Variants in SLC28A3 observed in about 807,000 individuals in gnomAD.
The protein encoded by SLC28A3 is solute carrier family 28 member 3.
A neutral mutation model predicts 84.2 loss-of-function variants in SLC28A3; 68 were observed. The ratio of observed to expected loss-of-function variants is 0.81; its 90% CI spans 0.66 to 0.99. The LOEUF (loss-of-function observed/expected upper bound fraction) is 0.99. SLC28A3 is among the 50% of genes least tolerant of loss of function. The pLI, the probability that SLC28A3 is intolerant of heterozygous loss-of-function variation, is 0.00. For synonymous variants in SLC28A3, 267 were observed against 303.6 expected (o/e 0.88, Z 1.25); for missense variants, 712 against 841.5 (o/e 0.85, Z 1.90).
chr9:84,288,961 A>C (rs954354942), intron 11 of SLC28A3, among the ~76,000 whole-genome samples: 5 of 152,110 alleles, frequency 3.3e-5, no homozygotes, highest in African/African-American at 1.2e-4. Context: ...TGCTCTCCTG[A>C]GGTCCTTGGT....
At chr9:84,366,988 C>G in the SLC28A3 span, among the ~76,000 whole-genome samples, 1 of 152,192 alleles carries the variant, frequency 6.6e-6, no homozygotes, top group Non-Finnish European at 1.5e-5. Flanking sequence ...GCAAGCTCCC[C>G]CAGGCCTTTG....
the SLC28A3 span, among the ~76,000 whole-genome samples, chr9:84,346,355 G>A: frequency 2.6e-5 from 4 of 152,192 alleles, no homozygotes; most frequent in African/African-American, 9.6e-5. Context: ...TATGCATGCA[G>A]TTCTATAGTG....
chr9:84,322,642 C>T (rs891674366), intron 1 of SLC28A3, among the ~76,000 whole-genome samples: 2 of 151,788 alleles, frequency 1.3e-5, no homozygotes, highest in African/African-American at 4.8e-5. Flanking sequence ...GTCAGGAGTC[C>T]CAGACCAGCC....
rs140633950 is a variant in SLC28A3, at chr9:84,336,774, C to G, written c.60+3800G>C. Among the ~76,000 whole-genome samples the G allele has an allele frequency of 3.7e-3, 570 of 152,344 alleles. 3 individuals are homozygous for G. The highest frequency in any genetic ancestry group is 0.013 in the African/African-American group (543 of 41,578). On this transcript the variant is annotated intron_variant, in intron 1 of 17. Coordinates refer to ENST00000376238, the MANE Select transcript of SLC28A3 (RefSeq NM_001199633.2). ...CACCTGACCTGATGCCAGCCTGCCC[C>G]CTTTCCCTATACCGTGTTCCCTTCC... is the stretch of plus-strand genomic sequence containing the variant.
intron 16 of SLC28A3, 27 bp downstream of exon 16, chr9:84,279,948 T>C (rs1364507387): frequency 4.4e-6 from 7 of 1,608,984 alleles, no homozygotes; most frequent in Admixed American, 1.7e-5. Context: ...CTGTGGGCAC[T>C]GGGACACAAA....
chr9:84,321,392 G>T (rs1330031888), intron 1 of SLC28A3, among the ~76,000 whole-genome samples: 1 of 151,976 alleles, frequency 6.6e-6, no homozygotes, highest in Admixed American at 6.6e-5. Context: ...CCAACAGTGG[G>T]AAGTCTTTTT....
At chr9:84,322,036 C>T (rs1210780747) in intron 1 of SLC28A3, among the ~76,000 whole-genome samples, 4 of 151,968 alleles carry the variant, frequency 2.6e-5, no homozygotes, top group Admixed American at 6.6e-5. Flanking sequence ...GAAGACAGAG[C>T]GAGACTCCGT....
chr9:84,291,373 G>A lies in SLC28A3; in HGVS notation c.1024-1094C>T, dbSNP rs901509780. Among the ~76,000 whole-genome samples the A allele has an allele frequency of 3.6e-4, 55 of 152,292 alleles. 1 individual carries two copies. Among genetic ancestry groups the A allele is most frequent in the Admixed American group, 3.3e-3 (51 of 15,302 alleles). On this transcript the variant is annotated intron_variant, in intron 10 of 17. Coordinates refer to ENST00000376238, the MANE Select transcript of SLC28A3 (RefSeq NM_001199633.2). The stretch of plus-strand genomic sequence containing the variant: ...TTTTTTGAGACAGAGTTTTGCTCTT[G>A]TTGCCCAGGCTGGAGTGCAATGGCA...
intron 17 of SLC28A3, 98 bp downstream of exon 17, chr9:84,279,167 C>G (rs779490140): frequency 9.2e-7 from 1 of 1,083,758 alleles, no homozygotes; most frequent in Non-Finnish European, 1.2e-6. Flanking sequence ...AGCAAGACTC[C>G]GTCTCAAAAA....
intron 14 of SLC28A3, among the ~76,000 whole-genome samples, chr9:84,282,282 AC>A (rs1824786292): frequency 6.7e-6 from 1 of 149,666 alleles, no homozygotes; most frequent in Non-Finnish European, 1.5e-5. Context: ...CATGAGGAAA[AC>A]CTTTTTTTTT....
intron 1 of SLC28A3, among the ~76,000 whole-genome samples, chr9:84,330,140 G>A (rs913090557): frequency 6.6e-6 from 1 of 151,494 alleles, no homozygotes; most frequent in African/African-American, 2.4e-5. Context: ...GAAACCAAAA[G>A]TTGGTTCTTA....
At position 84,320,040 on chromosome 9, in the gene SLC28A3, G is replaced by GTTTTTTGTT. The variant is rs1826311957; in HGVS notation, c.61-6587_61-6586insAACAAAAAA. 1.0e-4 allele frequency among the ~76,000 whole-genome samples: 6 copies of GTTTTTTGTT among 59,564 alleles called. 1 individual carries two copies. The highest frequency in any genetic ancestry group is 3.7e-4 in the Admixed American group (2 of 5,400). 39.1% of individuals were successfully genotyped at this position (59,564 alleles called of 152,430 possible). A position where few individuals can be genotyped will look rare whatever the true frequency, so the allele number is the denominator to read the frequency against. ...TACTCATTCCAGCCTGGCTTGCACT[G>GTTTTTTGTT]TTTTTTTTTTTTTTTTTTTTTTTTT... On this transcript the variant is annotated intron_variant, in intron 1 of 17. Coordinates refer to ENST00000376238, the MANE Select transcript of SLC28A3 (RefSeq NM_001199633.2).
Position 84,340,570 on chromosome 9 carries a change from TC to T in SLC28A3, c.60+3del. ...CTTTAACATAAGAGGAAAGCTCTGCTCACCTGGAAGCCCACGTTGCTGTAGC... is the reference window on the plus strand; with the variant it reads ...CTTTAACATAAGAGGAAAGCTCTGCTACCTGGAAGCCCACGTTGCTGTAGC... On this transcript the variant is annotated splice_donor_region_variant and intron_variant, in intron 1 of 17. Transcript: ENST00000376238. The T allele has an allele frequency of 6.2e-7, 1 of 1,614,190 alleles. No homozygotes were observed. The highest frequency in any genetic ancestry group is 8.5e-7 in the Non-Finnish European group (1 of 1,180,028).
chr9:84,320,788 G>A (rs1024218327), intron 1 of SLC28A3, among the ~76,000 whole-genome samples: 3 of 151,928 alleles, frequency 2.0e-5, no homozygotes, highest in Admixed American at 1.3e-4. Context: ...TCAGGAGTCT[G>A]AGACCAGCCT....
chr9:84,308,586 C>T (rs915903438), intron 3 of SLC28A3, among the ~76,000 whole-genome samples: 5 of 152,026 alleles, frequency 3.3e-5, no homozygotes, highest in Admixed American at 2.0e-4. Context: ...TTAAAATTAG[C>T]ACCACTGAAC....
At chr9:84,342,928 C>A (rs1254002869), upstream of SLC28A3, among the ~76,000 whole-genome samples, 6 of 152,080 alleles carry the variant, frequency 3.9e-5, no homozygotes, top group Admixed American at 3.9e-4. Flanking sequence ...CTTTGGGAGG[C>A]CGAGGCAGAT....
At chr9:84,342,618 A>C (rs981481220), upstream of SLC28A3, among the ~76,000 whole-genome samples, 2 of 149,464 alleles carry the variant, frequency 1.3e-5, no homozygotes, top group African/African-American at 5.0e-5. Flanking sequence ...GGGCCTCACT[A>C]TGTTGCCCAG....
At chr9:84,365,571 C>T in the SLC28A3 span, among the ~76,000 whole-genome samples, 3 of 151,988 alleles carry the variant, frequency 2.0e-5, no homozygotes, top group Admixed American at 6.6e-5. Context: ...AAGAAATTTT[C>T]GCCCATAACA....
chr9:84,275,888 C>T lies in SLC28A3; in HGVS notation c.*2330G>A, dbSNP rs1014596299. 2 of 152,140 alleles carry T rather than the reference C, an allele frequency of 1.3e-5. No individual in the cohort carries two copies. The highest frequency in any genetic ancestry group is 2.4e-5 in the African/African-American group (1 of 41,428). 9.4% of individuals were successfully genotyped at this position (152,140 alleles called of 1,614,324 possible). ...GTTGCATTTATAAAGAAATGTCACA[C>T]GTACACACAGAAAGGTCATATCAAA... On this transcript the variant is annotated 3_prime_UTR_variant, in exon 18 of 18. Coordinates refer to ENST00000376238, the MANE Select transcript of SLC28A3 (RefSeq NM_001199633.2).
Sources: allele counts gnomAD v4.1 joint callset (sites outside exome capture counted in the v4.1 genomes callset), GRCh38; gene constraint gnomAD v4.1.1; transcripts MANE v1.5; gene names NCBI Gene and HGNC (gene_info 2026-07-23, HGNC 2026-07-21).